Variants in VARS1 observed in about 807,000 individuals in gnomAD.
The protein encoded by VARS1 is valyl-tRNA synthetase 1, also known as valine--tRNA ligase.
In VARS1, 92 loss-of-function variants were observed where a neutral mutation model predicts 161.0. The ratio of observed to expected loss-of-function variants is 0.57; its 90% CI spans 0.48 to 0.68. The LOEUF (loss-of-function observed/expected upper bound fraction) is 0.68, where lower values mean the gene tolerates loss of function less well. VARS1 is among the 30% of genes least tolerant of loss of function. The pLI, the probability that VARS1 is intolerant of heterozygous loss-of-function variation, is 0.00. For missense variants in VARS1, 1,338 were observed against 1,695.9 expected (o/e 0.79, Z 3.71); for synonymous variants, 595 against 682.5 (o/e 0.87, Z 2.00).
At position 31,791,737 on chromosome 6, in the gene VARS1, G is replaced by A. The variant is rs777523210; in HGVS notation, c.973C>T (p.Arg325Cys). Residue 325 changes from arginine to cysteine, a missense_variant and splice_region_variant, in exon 8 of 30, where the codon CGT becomes TGT. Around this residue, in one of 3 missense-constraint regions of VARS1, gnomAD observed 902 missense variants for 1,090.3 expected, o/e 0.83. Transcript: ENST00000375663. The surrounding 1 kb of genome is among the most constrained non-coding windows in gnomAD (Gnocchi z 5.0). ...GGATTTGCTGCTGACACATTAGGAC[G>A]CTGATGGTGGAGAAGGATGGCACAT... is the stretch of plus-strand genomic sequence containing the variant. The part of the protein sequence containing the change: ...QQGFFKPEYG[R>C]PNVSAANPRG... 5.0e-6 allele frequency: 8 copies of A among 1,613,032 alleles called. No homozygotes were observed. The highest frequency in any genetic ancestry group is 6.8e-6 in the Non-Finnish European group (8 of 1,179,996).
chr6:31,781,731 G>A lies in VARS1; in HGVS notation c.2378C>T (p.Ser793Phe). 1.2e-6 allele frequency: 2 copies of A among 1,613,092 alleles called. No individual in the cohort carries two copies. Among genetic ancestry groups the A allele is most frequent in the East Asian group, 4.5e-5 (2 of 44,882 alleles). Residue 793 changes from serine (S) to phenylalanine (F), a missense_variant, in exon 20 of 30, where the codon TCT becomes TTT. Coordinates refer to ENST00000375663, the MANE Select transcript of VARS1 (RefSeq NM_006295.3). The surrounding 1 kb of genome is among the most constrained non-coding windows in gnomAD (Gnocchi z 6.8). Reference protein sequence around the residue: ...DEDVLDTWFSSGLFPLSILGW... With the variant: ...DEDVLDTWFSFGLFPLSILGW... ...CAAAATGGATAAGGGGAAGAGGCCA[G>A]AGGAGAACCAGGTATCCAATACATC...
chr6:31,783,348 T>C (rs887951366), intron 13 of VARS1, 162 bp from the exon 14 acceptor site: 26 of 665,494 alleles, frequency 3.9e-5, no homozygotes, highest in Non-Finnish European at 6.0e-5. Context: ...CTACTAAAAA[T>C]ACAAAAAAAA....
Position 31,782,592 on chromosome 6 carries a change from C to G in VARS1, c.1929G>C (p.Ala643=), listed in dbSNP as rs763775593. The part of the protein sequence containing the change: ...RFEARKAVLV[A]LKERGLFRGI... ...CACGGAACAGTCCCCGCTCCTTCAG[C>G]GCCACCAGCACCGCTTTCCTGGCCT... The change falls in exon 16 of 30, where the codon GCG becomes GCC. Residue 643 remains alanine, a synonymous_variant. Transcript: ENST00000375663. The surrounding 1 kb of genome is among the most constrained non-coding windows in gnomAD (Gnocchi z 8.3). 6.2e-7 allele frequency: 1 copy of G among 1,612,946 alleles called. No homozygotes were observed. The highest frequency in any genetic ancestry group is 1.3e-5 in the African/African-American group (1 of 74,928).
chr6:31,785,702 T>A lies in VARS1; in HGVS notation c.1132A>T (p.Asn378Tyr). ...ATACCTGCATGGTCACAGCCAGGGT[T>A]CCACAGGGTGGTCTCCCCACGCATG... is the stretch of plus-strand genomic sequence containing the variant. ...HRMRGETTLW[N>Y]PGCDHAGIAT... is the part of the protein sequence containing the mutation. Residue 378 changes from asparagine (N) to tyrosine (Y), a missense_variant, in exon 9 of 30, where the codon AAC becomes TAC. By Grantham distance (143) the Asn-to-Tyr change is moderately radical. Around this residue, in one of 3 missense-constraint regions of VARS1, gnomAD observed 902 missense variants for 1,090.3 expected, o/e 0.83. Coordinates refer to ENST00000375663, the MANE Select transcript of VARS1 (RefSeq NM_006295.3). The surrounding 1 kb of genome is among the most constrained non-coding windows in gnomAD (Gnocchi z 6.1). 6.2e-7 allele frequency: 1 copy of A among 1,612,786 alleles called. No homozygotes were observed. The highest frequency in any genetic ancestry group is 8.5e-7 in the Non-Finnish European group (1 of 1,179,962).
In VARS1 at chr6:31,785,232, C is replaced by T; in HGVS notation, c.1347+14G>A. ...TCCTACTCCTGCCCCAGCTTTGACA[C>T]TCCTCCCACGCACAGGGTCCATGGT... On this transcript the variant is annotated intron_variant, in intron 10 of 29. Transcript: ENST00000375663. The surrounding 1 kb of genome is among the most constrained non-coding windows in gnomAD (Gnocchi z 6.1). The T allele has an allele frequency of 1.2e-6, 2 of 1,613,084 alleles. No individual in the cohort carries two copies. The highest frequency in any genetic ancestry group is 1.7e-6 in the Non-Finnish European group (2 of 1,180,004).
In VARS1 at chr6:31,795,189, G is replaced by C; in HGVS notation, c.29C>G (p.Pro10Arg). 1 of 1,469,792 alleles carries C rather than the reference G, an allele frequency of 6.8e-7. No homozygotes were observed. The allele number at this position is 1,469,792 out of a possible 1,614,324, so 91.0% of individuals were successfully genotyped here. ...GGCTCGGAGGCTGGGGAAGGCATCT[G>C]GGTGAGGGGAGACGTAGAGGGTGGA... MSTLYVSPH[P>R]DAFPSLRALI... The change falls in exon 2 of 30, where the codon CCA becomes CGA. Residue 10 changes from proline (P) to arginine (R), a missense_variant. By Grantham distance (103) the Pro-to-Arg change is moderately radical. Transcript: ENST00000375663. This position sits in a 1 kb window ranked among gnomAD's most constrained non-coding sequence, Gnocchi z 6.9.
At chr6:31,787,919 C>T (rs1160830297) in intron 8 of VARS1, among the ~76,000 whole-genome samples, 2 of 151,906 alleles carry the variant, frequency 1.3e-5, no homozygotes, top group African/African-American at 4.8e-5. Flanking sequence ...GAGATCGAGA[C>T]CATCTTGGCT....
In VARS1 at chr6:31,784,196, C is replaced by T. The variant is rs200836448; in HGVS notation, c.1671+18G>A. The T allele has an allele frequency of 3.6e-4, 581 of 1,614,012 alleles. No homozygotes were observed. Among genetic ancestry groups the T allele is most frequent in the Non-Finnish European group, 4.6e-4 (543 of 1,179,920 alleles). ...TTTTTGGCCAGAACTCCTTCCCTAACTGTGGACAGTCCCCCACCTGGTATC... is the reference window on the plus strand; with the variant it reads ...TTTTTGGCCAGAACTCCTTCCCTAATTGTGGACAGTCCCCCACCTGGTATC... On this transcript the variant is annotated intron_variant, in intron 13 of 29. Coordinates refer to ENST00000375663, the MANE Select transcript of VARS1 (RefSeq NM_006295.3). This position sits in a 1 kb window ranked among gnomAD's most constrained non-coding sequence, Gnocchi z 6.1.
Position 31,785,378 on chromosome 6 carries a change from C to T in VARS1, c.1266-51G>A, listed in dbSNP as rs1446652038. The T allele has an allele frequency of 7.5e-6, 12 of 1,608,050 alleles. No homozygotes were observed. The highest frequency in any genetic ancestry group is 1.3e-5 in the African/African-American group (1 of 74,810). ...CACTCGTGCCTGGGCTAGAGGGAGA[C>T]ATCAGGTGGCTGACTGGGCAGTGTG... is the stretch of plus-strand genomic sequence containing the variant. On this transcript the variant is annotated intron_variant, in intron 9 of 29. Transcript: ENST00000375663. The surrounding 1 kb of genome is among the most constrained non-coding windows in gnomAD (Gnocchi z 6.1).
In VARS1 at chr6:31,779,584, TCC is replaced by T; in HGVS notation, c.3288+22_3288+23del. On this transcript the variant is annotated intron_variant, in intron 27 of 29. Transcript: ENST00000375663. This position sits in a 1 kb window ranked among gnomAD's most constrained non-coding sequence, Gnocchi z 9.1. Reference sequence around the variant, plus strand: ...AGGGGGCCTGGAGGGCAGGTCAGACTCCCCTCTCCAGGCCATGCCATACCTCT... The same window carrying T: ...AGGGGGCCTGGAGGGCAGGTCAGACTCCTCTCCAGGCCATGCCATACCTCT... The T allele has an allele frequency of 6.2e-7, 1 of 1,610,742 alleles. No individual in the cohort carries two copies. Among genetic ancestry groups the T allele is most frequent in the Non-Finnish European group, 8.5e-7 (1 of 1,178,742 alleles).
Position 31,792,308 on chromosome 6 carries a change from G to A in VARS1, c.787-7C>T, listed in dbSNP as rs1813926026. 1 of 1,613,722 alleles carries A rather than the reference G, an allele frequency of 6.2e-7. No homozygotes were observed. Among genetic ancestry groups the A allele is most frequent in the Non-Finnish European group, 8.5e-7 (1 of 1,179,972 alleles). On this transcript the variant is annotated splice_region_variant and splice_polypyrimidine_tract_variant and intron_variant, in intron 5 of 29. Transcript: ENST00000375663. ...TCTCTGGTTTTGGTTTCTTCTGCTT[G>A]GGAGGGAGAAGACATAGGCCCAGGC...
At chr6:31,786,609 T>C (rs1245048954) in intron 8 of VARS1, among the ~76,000 whole-genome samples, 1 of 130,058 alleles carries the variant, frequency 7.7e-6, no homozygotes, top group African/African-American at 3.0e-5. Context: ...GAGGTTGCAG[T>C]GAGTTGAAAT....
At chr6:31,790,200 C>T (rs1241184460) in intron 8 of VARS1, among the ~76,000 whole-genome samples, 5 of 151,790 alleles carry the variant, frequency 3.3e-5, no homozygotes, top group African/African-American at 1.2e-4. Flanking sequence ...CCGCATGTGG[C>T]CCACAGGCTG....
chr6:31,791,151 C>T lies in VARS1; in HGVS notation c.1100+459G>A. Among the ~76,000 whole-genome samples the T allele has an allele frequency of 6.6e-6, 1 of 151,194 alleles. No homozygotes were observed. Among genetic ancestry groups the T allele is most frequent in the East Asian group, 1.9e-4 (1 of 5,166 alleles). ...GGGCAACAGAACAAGACTCTGTCCC[C>T]CCAAAAAAAAATATATATATTCATA... is the stretch of plus-strand genomic sequence containing the variant. On this transcript the variant is annotated intron_variant, in intron 8 of 29. Transcript: ENST00000375663. The surrounding 1 kb of genome is among the most constrained non-coding windows in gnomAD (Gnocchi z 5.0).
rs752152806 is a variant in VARS1 at position 31,792,832 on chromosome 6, G to A, written c.586C>T (p.Arg196Trp). 14 of 1,614,116 alleles carry A rather than the reference G, an allele frequency of 8.7e-6. No individual in the cohort carries two copies. In the Admixed American group the frequency reaches 1.5e-4, roughly 17 times the overall value. Reference protein sequence around the residue: ...NVTRWFVTCVRQPEFRAVLGE... With the variant: ...NVTRWFVTCVWQPEFRAVLGE... ...AGCACGGCTCGGAATTCTGGCTGCC[G>A]GACACACGTGACAAACCAGCGAGTC... Residue 196 changes from arginine to tryptophan, a missense_variant, in exon 4 of 30, where the codon CGG (arginine) becomes TGG (tryptophan). Coordinates refer to ENST00000375663, the MANE Select transcript of VARS1 (RefSeq NM_006295.3).
Position 31,782,513 on chromosome 6 carries a change from C to T in VARS1, c.1991+17G>A. ...GGAGCCCTCCATCTTCCTCCCGTCC[C>T]AGGCCCCCACCCTCACTTGCAAAGT... On this transcript the variant is annotated intron_variant, in intron 16 of 29. Coordinates refer to ENST00000375663, the MANE Select transcript of VARS1 (RefSeq NM_006295.3). The surrounding 1 kb of genome is among the most constrained non-coding windows in gnomAD (Gnocchi z 8.3). The T allele has an allele frequency of 1.2e-6, 2 of 1,612,998 alleles. No individual in the cohort carries two copies. Among genetic ancestry groups the T allele is most frequent in the Non-Finnish European group, 1.7e-6 (2 of 1,180,012 alleles).
At chr6:31,793,640 A>C (rs1422392359) in intron 2 of VARS1, among the ~76,000 whole-genome samples, 2 of 152,256 alleles carry the variant, frequency 1.3e-5, no homozygotes, top group Admixed American at 1.3e-4. Flanking sequence ...TCAGAACATC[A>C]ATAAATATGT....
At position 31,784,464 on chromosome 6, in the gene VARS1, G is replaced by A. The variant is rs761765858; in HGVS notation, c.1506C>T (p.Ser502=). The part of the protein sequence containing the change: ...KKELTGRTLL[S]VPGYKEKVEF... ...CCACCTTCTCCTTGTAGCCAGGCAC[G>A]GAGAGCAGGGTGCGACCTGTCAGCT... The change falls in exon 12 of 30, where the codon TCC becomes TCT. Residue 502 remains serine, a synonymous_variant. Transcript: ENST00000375663. This position sits in a 1 kb window ranked among gnomAD's most constrained non-coding sequence, Gnocchi z 6.1. 2.6e-5 allele frequency: 42 copies of A among 1,613,970 alleles called. No individual in the cohort carries two copies. The Middle Eastern group carries it at 1.5e-3, about 57-fold the overall frequency.
At chr6:31,783,964 TAAC>T (rs1273905168) in intron 13 of VARS1, among the ~76,000 whole-genome samples, 2 of 152,138 alleles carry the variant, frequency 1.3e-5, no homozygotes, top group Admixed American at 6.5e-5. Context: ...CCTGGCTATT[TAAC>T]TTTTTAAAAA....
Sources: allele counts gnomAD v4.1 joint callset (sites outside exome capture counted in the v4.1 genomes callset), GRCh38; gene constraint gnomAD v4.1.1; regional missense constraint gnomAD v4.1.1; non-coding constraint Gnocchi (gnomAD v3.1); transcripts MANE v1.5; gene names NCBI Gene and HGNC (gene_info 2026-07-23, HGNC 2026-07-21).